The following SPAG16 variants were observed in gnomAD, a reference collection of about 807,000 sequenced individuals.
SPAG16 encodes sperm associated antigen 16, also known as sperm-associated antigen 16 protein.
SPAG16 carries 86 observed loss-of-function variants against 80.4 expected under a neutral mutation model. That is an observed-to-expected ratio of 1.07 (90% CI 0.90 to 1.28). The LOEUF (loss-of-function observed/expected upper bound fraction) is 1.28. Among genes scored for constraint, SPAG16 ranks in the 50% most tolerant of loss-of-function variants. The pLI is 0.00. For synonymous variants in SPAG16, 294 were observed against 265.9 expected, an observed-to-expected ratio of 1.11 and a Z score of -1.03; for missense variants, 870 against 765.3, an observed-to-expected ratio of 1.14 and a Z score of -1.61.
At chr2:214,333,488 T>C (rs767773962) in intron 15 of SPAG16, among the ~76,000 whole-genome samples, 10 of 152,222 alleles carry the variant, frequency 6.6e-5, no homozygotes, top group South Asian at 2.1e-4. Context: ...CCTTGCTTAC[T>C]GAAAACTCAG....
chr2:213,759,462 A>G (rs2068527049), intron 10 of SPAG16, among the ~76,000 whole-genome samples: 1 of 152,116 alleles, frequency 6.6e-6, no homozygotes, highest in African/African-American at 2.4e-5. Flanking sequence ...ATACATAAAG[A>G]TATAATTTTG....
chr2:213,586,218 G>A (rs776025777), intron 10 of SPAG16, among the ~76,000 whole-genome samples: 1 of 152,088 alleles, frequency 6.6e-6, no homozygotes, highest in Non-Finnish European at 1.5e-5. Flanking sequence ...GTTCATTCAG[G>A]TGGCTATAAC....
intron 10 of SPAG16, among the ~76,000 whole-genome samples, chr2:213,626,317 T>G (rs1486534419): frequency 6.6e-6 from 1 of 152,008 alleles, no homozygotes; most frequent in African/African-American, 2.4e-5. Context: ...GGAAAAGATA[T>G]GAGTTCCAAG....
chr2:214,331,886 C>T (rs1696941507), intron 15 of SPAG16, among the ~76,000 whole-genome samples: 1 of 152,194 alleles, frequency 6.6e-6, no homozygotes, highest in Non-Finnish European at 1.5e-5. Context: ...AAAATGCAGA[C>T]CCATACCTGG....
chr2:213,944,851 T>C (rs2079370426), intron 12 of SPAG16, among the ~76,000 whole-genome samples: 1 of 152,006 alleles, frequency 6.6e-6, no homozygotes, highest in Non-Finnish European at 1.5e-5. Flanking sequence ...AGACATGAGA[T>C]GGCGAAACCC....
chr2:213,705,280 G>T (rs1010449942), intron 10 of SPAG16, among the ~76,000 whole-genome samples: 26 of 151,564 alleles, frequency 1.7e-4, no homozygotes, highest in Non-Finnish European at 3.8e-4. Flanking sequence ...GAGAGGGAGG[G>T]AGGAAGGGAG....
rs1333922826 is a variant in SPAG16 at position 214,072,189 on chromosome 2, A to G, written c.1528-36007A>G. On this transcript the variant is annotated intron_variant, in intron 13 of 15. Transcript: ENST00000331683. ...CAAGCACAAAATTTGCACCTGTTATATGAGAGAAGTAAATGTCCTTTGAGA... is the reference window on the plus strand; with the variant it reads ...CAAGCACAAAATTTGCACCTGTTATGTGAGAGAAGTAAATGTCCTTTGAGA... 2.0e-5 allele frequency among the ~76,000 whole-genome samples: 3 copies of G among 152,114 alleles called. 1 individual carries two copies. Among genetic ancestry groups the G allele is most frequent in the African/African-American group, 7.2e-5 (3 of 41,444 alleles).
chr2:214,177,916 C>T (rs28671085), intron 15 of SPAG16, among the ~76,000 whole-genome samples: 1,225 of 92,048 alleles, frequency 0.013, 29 homozygotes, highest in Non-Finnish European at 0.016. Flanking sequence ...TATATATATA[C>T]ATATATATAT....
intron 9 of SPAG16, among the ~76,000 whole-genome samples, chr2:213,386,310 T>TTAAATATA (rs2067426184): frequency 6.6e-6 from 1 of 152,182 alleles, no homozygotes; most frequent in African/African-American, 2.4e-5. Context: ...CAAACTTAGA[T>TTAAATATA]TAAATATATA....
chr2:213,360,739 A>G (rs1482267264), intron 7 of SPAG16, among the ~76,000 whole-genome samples: 1 of 152,220 alleles, frequency 6.6e-6, no homozygotes, highest in Non-Finnish European at 1.5e-5. Flanking sequence ...TATTCAAAGT[A>G]TGTGTACAGA....
At chr2:213,573,573 C>G (rs1420106845) in intron 10 of SPAG16, among the ~76,000 whole-genome samples, 1 of 152,158 alleles carries the variant, frequency 6.6e-6, no homozygotes, top group Non-Finnish European at 1.5e-5. Flanking sequence ...GTATAGAATT[C>G]TCTTGAAATA....
At chr2:213,751,352 G>C (rs1441809072) in intron 10 of SPAG16, among the ~76,000 whole-genome samples, 2 of 152,048 alleles carry the variant, frequency 1.3e-5, no homozygotes, top group Non-Finnish European at 2.9e-5. Context: ...CCCCACAGCT[G>C]CTAATCACGA....
intron 8 of SPAG16, among the ~76,000 whole-genome samples, chr2:213,372,478 T>C (rs534946707): frequency 6.6e-6 from 1 of 152,282 alleles, no homozygotes; most frequent in East Asian, 1.9e-4. Flanking sequence ...TTATTTCTTA[T>C]AGTTTAATTA....
chr2:213,462,126 A>G (rs1388944204), intron 9 of SPAG16, among the ~76,000 whole-genome samples: 3 of 152,236 alleles, frequency 2.0e-5, no homozygotes, highest in East Asian at 1.9e-4. Context: ...GGCATTGTGT[A>G]GTACAATTTT....
intron 9 of SPAG16, among the ~76,000 whole-genome samples, chr2:213,377,833 G>A (rs1228095663): frequency 6.6e-6 from 1 of 151,364 alleles, no homozygotes; most frequent in Non-Finnish European, 1.5e-5. Flanking sequence ...ATCCTGATGA[G>A]CACTGTATTA....
intron 10 of SPAG16, among the ~76,000 whole-genome samples, chr2:213,751,339 A>C (rs2068068507): frequency 6.6e-6 from 1 of 152,134 alleles, no homozygotes; most frequent in African/African-American, 2.4e-5. Context: ...TAAACTCAAC[A>C]TACCCCACAG....
At chr2:213,916,276 G>A (rs1410106426) in intron 11 of SPAG16, among the ~76,000 whole-genome samples, 7 of 152,156 alleles carry the variant, frequency 4.6e-5, no homozygotes, top group Non-Finnish European at 8.8e-5. Flanking sequence ...AATCCATCAT[G>A]AGTTAATTTT....
intron 13 of SPAG16, among the ~76,000 whole-genome samples, chr2:214,106,109 C>T (rs2053370073): frequency 6.6e-6 from 1 of 151,916 alleles, no homozygotes; most frequent in African/African-American, 2.4e-5. Flanking sequence ...TAGAAAAGGA[C>T]CAAATGCAAA....
chr2:213,492,622 G>A (rs2074309193), intron 10 of SPAG16, among the ~76,000 whole-genome samples: 1 of 149,058 alleles, frequency 6.7e-6, no homozygotes, highest in South Asian at 2.1e-4. Flanking sequence ...CAGAATCTTA[G>A]TAAGTCTACA....
Sources: gnomAD v4.1 joint callset for allele counts (sites outside exome capture counted in the v4.1 genomes callset) on GRCh38, gnomAD v4.1.1 for gene constraint, MANE v1.5 for transcripts, NCBI Gene and HGNC (gene_info 2026-07-23, HGNC 2026-07-21) for gene names.